The following PARVG variants were observed in gnomAD, a reference collection of about 807,000 sequenced individuals.
The protein encoded by PARVG is gamma-parvin.
A neutral mutation model predicts 44.4 loss-of-function variants in PARVG; 36 were observed. The ratio of observed to expected loss-of-function variants is 0.81; its 90% CI spans 0.62 to 1.07. The LOEUF (loss-of-function observed/expected upper bound fraction) is 1.07. PARVG is among the 50% of genes least tolerant of loss of function. The probability of loss-of-function intolerance (pLI) is 0.00; values close to 1 mark genes in which losing one functional copy is unlikely to be tolerated. For missense variants in PARVG, 407 were observed against 407.4 expected (o/e 1.00, Z 0.01); for synonymous variants, 170 against 174.1 (o/e 0.98, Z 0.19).
rs554746679 is a variant in PARVG at position 44,186,540 on chromosome 22, C to A, written c.144+668C>A. ...CATTTCCCATCCTCCTTCCTATTCC[C>A]TCACTCCATCCATCCACCTTTCCCA... On this transcript the variant is annotated intron_variant, in intron 4 of 13. Coordinates refer to ENST00000444313, the MANE Select transcript of PARVG (RefSeq NM_022141.7). The A allele has an allele frequency of 1.9e-4, 91 of 471,056 alleles. 2 individuals carry two copies. The highest frequency in any genetic ancestry group is 1.4e-3 in the South Asian group (89 of 64,562). The allele number at this position is 471,056 out of a possible 1,614,324, so 29.2% of individuals were successfully genotyped here.
Position 44,186,388 on chromosome 22 carries a change from C to A in PARVG, c.144+516C>A, listed in dbSNP as rs73888890. On this transcript the variant is annotated intron_variant, in intron 4 of 13. Transcript: ENST00000444313. ...CTATGGCCACTGGACCAGCTCGGCA[C>A]AGGTGGGCTCCAGGCCTCTGTTTCC... 5.1e-3 allele frequency: 1,876 copies of A among 365,080 alleles called. 34 individuals carry two copies. The highest frequency in any genetic ancestry group is 0.037 in the African/African-American group (1,747 of 47,160). The allele number at this position is 365,080 out of a possible 1,614,324, so 22.6% of individuals were successfully genotyped here. A position where few individuals can be genotyped will look rare whatever the true frequency, so the allele number is the denominator to read the frequency against.
At chr22:44,199,335 A>G (rs1053440814) in intron 12 of PARVG, among the ~76,000 whole-genome samples, 52 of 151,676 alleles carry the variant, frequency 3.4e-4, no homozygotes, top group Non-Finnish European at 7.4e-4. Flanking sequence ...TTGTCCTGTC[A>G]TGCATCCATC....
intron 12 of PARVG, among the ~76,000 whole-genome samples, chr22:44,203,579 T>G (rs1349795468): frequency 6.6e-6 from 1 of 152,228 alleles, no homozygotes; most frequent in Non-Finnish European, 1.5e-5. Flanking sequence ...GTGCGGAGTC[T>G]GGAACCTCAG....
chr22:44,206,531 C>T lies in PARVG; in HGVS notation c.*105C>T. 3.1e-6 allele frequency: 3 copies of T among 959,468 alleles called. No homozygotes were observed. Among genetic ancestry groups the T allele is most frequent in the Non-Finnish European group, 3.3e-6 (2 of 605,414 alleles). 59.4% of individuals were successfully genotyped at this position (959,468 alleles called of 1,614,324 possible). A position where few individuals can be genotyped will look rare whatever the true frequency, so the allele number is the denominator to read the frequency against. On this transcript the variant is annotated 3_prime_UTR_variant, in exon 14 of 14. Coordinates refer to ENST00000444313, the MANE Select transcript of PARVG (RefSeq NM_022141.7). ...CCCGCTGTTTCCTGTGCATTCGTGA[C>T]CCGCTTCCCTCCCACCCTGTCTCCT...
intron 5 of PARVG, 121 bp downstream of exon 5, chr22:44,187,999 C>T (rs1023611029): frequency 4.0e-6 from 4 of 998,222 alleles, no homozygotes; most frequent in Non-Finnish European, 1.5e-6. Flanking sequence ...TTAGGGACAC[C>T]TGTCTCACTT....
chr22:44,184,868 A>G (rs1183655595), intron 3 of PARVG: 1 of 152,226 alleles, frequency 6.6e-6, no homozygotes, highest in African/African-American at 2.4e-5. Flanking sequence ...CAAAACAAAC[A>G]AAAAAACCCA....
At chr22:44,175,123 AAAAAC>A (rs1425438012) in intron 1 of PARVG, among the ~76,000 whole-genome samples, 3 of 152,248 alleles carry the variant, frequency 2.0e-5, no homozygotes, top group African/African-American at 7.2e-5. Context: ...ACTCGGTCTC[AAAAAC>A]AAAAAACATT....
intron 12 of PARVG, among the ~76,000 whole-genome samples, chr22:44,203,606 T>A (rs531890342): frequency 1.1e-4 from 16 of 152,312 alleles, no homozygotes; most frequent in Non-Finnish European, 2.1e-4. Context: ...CAGGGTCTTG[T>A]TCTCACTCCG....
chr22:44,198,961 T>TCCATCCATCCATCCACCCACCCACCCAC (rs2054664459), intron 12 of PARVG, among the ~76,000 whole-genome samples: 1 of 73,564 alleles, frequency 1.4e-5, no homozygotes, highest in Non-Finnish European at 3.5e-5. Flanking sequence ...CATCCATCCA[T>TCCATCCATCCATCCACCCACCCACCCAC]CCATCCATCC....
At chr22:44,193,725 G>A in intron 8 of PARVG, 76 bp from the exon 9 acceptor site, 1 of 1,578,736 alleles carries the variant, frequency 6.3e-7, no homozygotes, top group South Asian at 1.2e-5. Flanking sequence ...ACTGAGGCTT[G>A]TCATATTGAG....
intron 3 of PARVG, chr22:44,183,970 G>A (rs2054425359): frequency 4.6e-6 from 1 of 215,816 alleles, no homozygotes; most frequent in East Asian, 9.5e-5. Context: ...AGTGGGGTGA[G>A]CATAGGATGG....
At chr22:44,205,661 C>A in intron 12 of PARVG, 96 bp from the exon 13 acceptor site, 1 of 1,424,100 alleles carries the variant, frequency 7.0e-7, no homozygotes. Context: ...TCATGATGGA[C>A]ATCACAGACA....
intron 12 of PARVG, among the ~76,000 whole-genome samples, chr22:44,200,913 C>T (rs2054698979): frequency 1.3e-5 from 2 of 152,072 alleles, no homozygotes; most frequent in African/African-American, 4.8e-5. Context: ...CACCCTTGTG[C>T]CTCTCCCCTG....
In PARVG at chr22:44,187,808, C is replaced by G; in HGVS notation, c.177C>G (p.Leu59=). The part of the protein sequence containing the change: ...VLMEWINATL[L]PEHIVVRSLE... ...TGGAGTGGATCAATGCCACTCTTCT[C>G]CCCGAGCACATTGTGGTCCGCAGCC... The change falls in exon 5 of 14, where the codon CTC becomes CTG. Residue 59 remains leucine (L), a synonymous_variant. Transcript: ENST00000444313. 6.2e-7 allele frequency: 1 copy of G among 1,614,262 alleles called. No homozygotes were observed. The highest frequency in any genetic ancestry group is 1.1e-5 in the South Asian group (1 of 91,090).
Position 44,182,700 on chromosome 22 carries a change from G to C in PARVG, c.-12-618G>C, listed in dbSNP as rs556658605. Among the ~76,000 whole-genome samples, 27 of 152,350 alleles carry C rather than the reference G, an allele frequency of 1.8e-4. No individual in the cohort carries two copies. The highest frequency in any genetic ancestry group is 6.3e-4 in the African/African-American group (26 of 41,596). On this transcript the variant is annotated intron_variant, in intron 2 of 13. Transcript: ENST00000444313. This position sits in a 1 kb window ranked among gnomAD's most constrained non-coding sequence, Gnocchi z 4.6. ...AGCCAGCGAAGCCTTCACAGGAGAG[G>C]AAGTGGGCCAGGGGAACAGGAAGGA...
chr22:44,197,678 C>T (rs546592361), intron 11 of PARVG, among the ~76,000 whole-genome samples: 1 of 152,318 alleles, frequency 6.6e-6, no homozygotes, highest in South Asian at 2.1e-4. Flanking sequence ...GGGTGAGTTA[C>T]TGGACTTCTC....
chr22:44,189,216 T>G lies in PARVG; in HGVS notation c.350T>G (p.Leu117Arg). ...TVVLEAVNRSLQLEEWQAKWS... is the reference protein window; with the variant it reads ...TVVLEAVNRSRQLEEWQAKWS... Reference sequence around the variant, plus strand: ...GTGCTGGAGGCCGTGAACCGGAGTCTGCAGCTGGAGGAGTGGCAGGCCAAG... The same window carrying G: ...GTGCTGGAGGCCGTGAACCGGAGTCGGCAGCTGGAGGAGTGGCAGGCCAAG... The change falls in exon 6 of 14, where the codon CTG becomes CGG. Residue 117 changes from leucine to arginine, a missense_variant. By Grantham distance (102) the Leu-to-Arg change is moderately radical (BLOSUM62 -2). Coordinates refer to ENST00000444313, the MANE Select transcript of PARVG (RefSeq NM_022141.7). 6.2e-7 allele frequency: 1 copy of G among 1,614,208 alleles called. No individual in the cohort carries two copies. Among genetic ancestry groups the G allele is most frequent in the Non-Finnish European group, 8.5e-7 (1 of 1,180,026 alleles).
intron 8 of PARVG, among the ~76,000 whole-genome samples, chr22:44,192,696 T>C: frequency 6.7e-6 from 1 of 148,460 alleles, no homozygotes; most frequent in Non-Finnish European, 1.5e-5. Flanking sequence ...TCCTGCTCCC[T>C]GCCCACTGGG....
At chr22:44,173,872 A>G (rs984989578) in intron 1 of PARVG, among the ~76,000 whole-genome samples, 3 of 152,158 alleles carry the variant, frequency 2.0e-5, no homozygotes, top group Non-Finnish European at 2.9e-5. Flanking sequence ...CCAGCAAAGA[A>G]TCACCGGGCC....
Sources: gnomAD v4.1 joint callset for allele counts (sites outside exome capture counted in the v4.1 genomes callset) on GRCh38, gnomAD v4.1.1 for gene constraint, Gnocchi (gnomAD v3.1) non-coding constraint, MANE v1.5 for transcripts, NCBI Gene and HGNC (gene_info 2026-07-23, HGNC 2026-07-21) for gene names.